Variants in TMEM132C observed in about 807,000 individuals in gnomAD.
TMEM132C encodes the protein transmembrane protein 132C, also known as protein phosphatase 1, regulatory subunit 152.
A neutral mutation model predicts 61.4 loss-of-function variants in TMEM132C; 29 were observed. That is an observed-to-expected ratio of 0.47 (90% CI 0.35 to 0.64). The LOEUF (loss-of-function observed/expected upper bound fraction) is 0.64. Ranked by LOEUF, TMEM132C falls within the 30% of genes least tolerant of loss-of-function variation. The probability of loss-of-function intolerance (pLI) is 0.00; values close to 1 mark genes in which losing one functional copy is unlikely to be tolerated. For missense variants in TMEM132C, 1,408 were observed against 1,476.9 expected (o/e 0.95, Z 0.76); for synonymous variants, 656 against 633.1 (o/e 1.04, Z -0.54).
chr12:128,619,186 G>A (rs1429080573), intron 4 of TMEM132C, among the ~76,000 whole-genome samples: 1 of 152,152 alleles, frequency 6.6e-6, no homozygotes, highest in African/African-American at 2.4e-5. Context: ...AACCAATTAA[G>A]CATATTTTCC....
chr12:128,562,546 G>T (rs753410385), intron 3 of TMEM132C, among the ~76,000 whole-genome samples: 10 of 152,176 alleles, frequency 6.6e-5, no homozygotes, highest in Non-Finnish European at 1.5e-4. Context: ...AAATGGCAAA[G>T]ACGCCTCATT....
At chr12:128,413,598 C>A (rs1868646484) in intron 1 of TMEM132C, among the ~76,000 whole-genome samples, 2 of 151,440 alleles carry the variant, frequency 1.3e-5, no homozygotes, top group Admixed American at 1.3e-4. Flanking sequence ...ATCTGTGTTT[C>A]TCTAATTGTG....
chr12:128,559,156 T>TACACACACAAACACAC (rs1874429718), intron 3 of TMEM132C, among the ~76,000 whole-genome samples: 1 of 147,726 alleles, frequency 6.8e-6, no homozygotes, highest in Non-Finnish European at 1.5e-5. Context: ...CACAAACACA[T>TACACACACAAACACAC]ACACACACAA....
intron 5 of TMEM132C, among the ~76,000 whole-genome samples, chr12:128,670,464 C>A (rs555419322): frequency 2.1e-4 from 32 of 152,312 alleles, no homozygotes; most frequent in African/African-American, 7.2e-4. Context: ...AACTGCCATT[C>A]TATCTCTGCT....
At chr12:128,289,875 T>A (rs1375010104) in intron 1 of TMEM132C, among the ~76,000 whole-genome samples, 3 of 152,224 alleles carry the variant, frequency 2.0e-5, no homozygotes, top group Non-Finnish European at 4.4e-5. Context: ...ACTGATAGCA[T>A]GTTTAAAGGT....
At chr12:128,358,807 C>T (rs1873602778) in intron 1 of TMEM132C, among the ~76,000 whole-genome samples, 2 of 152,142 alleles carry the variant, frequency 1.3e-5, no homozygotes, top group Non-Finnish European at 2.9e-5. Context: ...ATTGCGCACA[C>T]AGGCTTCCAA....
chr12:128,705,407 G>A lies in TMEM132C; in HGVS notation c.2439G>A (p.Glu813=), dbSNP rs1026777675. The change falls in exon 9 of 9, where the codon GAG becomes GAA. Residue 813 remains glutamate, a synonymous_variant. Transcript: ENST00000435159. ...DADSSPGGDY[E]EDEIKNHASD... ...ACTCCAGCCCCGGCGGGGACTATGA[G>A]GAAGATGAGATCAAGAACCACGCCA... 1.3e-6 allele frequency: 2 copies of A among 1,550,996 alleles called. No homozygotes were observed. Among genetic ancestry groups the A allele is most frequent in the African/African-American group, 2.7e-5 (2 of 73,064 alleles).
chr12:128,575,297 G>A (rs1238996685), intron 3 of TMEM132C, among the ~76,000 whole-genome samples: 1 of 152,154 alleles, frequency 6.6e-6, no homozygotes, highest in Non-Finnish European at 1.5e-5. Context: ...TGGCCACCAT[G>A]GTGAAACCCC....
Position 128,516,602 on chromosome 12 carries a change from GAA to G in TMEM132C, c.975-27346_975-27345del, listed in dbSNP as rs11353244. On this transcript the variant is annotated intron_variant, in intron 2 of 8. Coordinates refer to ENST00000435159, the MANE Select transcript of TMEM132C (RefSeq NM_001136103.3). ...ATGCAAATTTTACCTCCAAAGGAGGGAAAAAAAAAACCTTAAAAAAAAGATTG... is the reference window on the plus strand; with the variant it reads ...ATGCAAATTTTACCTCCAAAGGAGGGAAAAAAAACCTTAAAAAAAAGATTG... Among the ~76,000 whole-genome samples the G allele has an allele frequency of 6.0e-5, 9 of 150,686 alleles. No homozygotes were observed. The South Asian group carries it at 1.5e-3, about 25-fold the overall frequency.
At chr12:128,283,620 C>T (rs1208675117) in intron 1 of TMEM132C, among the ~76,000 whole-genome samples, 2 of 152,118 alleles carry the variant, frequency 1.3e-5, no homozygotes, top group Admixed American at 1.3e-4. Flanking sequence ...TGTCTATCTA[C>T]CTATGCCTCC....
intron 1 of TMEM132C, among the ~76,000 whole-genome samples, chr12:128,380,949 T>G (rs1038836818): frequency 3.3e-5 from 5 of 152,234 alleles, no homozygotes; most frequent in African/African-American, 1.2e-4. Context: ...GGAAGCTGAT[T>G]GAATGCAGGT....
At chr12:128,502,303 C>G (rs1000678976) in intron 2 of TMEM132C, among the ~76,000 whole-genome samples, 1 of 152,118 alleles carries the variant, frequency 6.6e-6, no homozygotes, top group Non-Finnish European at 1.5e-5. Flanking sequence ...GTGGTACAAG[C>G]CAGGCACAGG....
chr12:128,426,409 A>C (rs10847616), intron 2 of TMEM132C, among the ~76,000 whole-genome samples: 23,433 of 152,156 alleles, frequency 0.15, 1,922 homozygotes, highest in South Asian at 0.25. Flanking sequence ...TGGATTCCTC[A>C]GGAGCAAGCT....
chr12:128,524,699 G>A (rs900099966), intron 2 of TMEM132C, among the ~76,000 whole-genome samples: 1 of 152,108 alleles, frequency 6.6e-6, no homozygotes, highest in South Asian at 2.1e-4. Flanking sequence ...GGGATCGATG[G>A]GTTTCTCTGC....
chr12:128,463,296 G>A (rs1311719274), intron 2 of TMEM132C, among the ~76,000 whole-genome samples: 1 of 151,960 alleles, frequency 6.6e-6, no homozygotes, highest in East Asian at 1.9e-4. Context: ...AGGGATGGTG[G>A]TTTACCAAAA....
chr12:128,600,860 G>A (rs190679580), intron 3 of TMEM132C, among the ~76,000 whole-genome samples: 66 of 152,300 alleles, frequency 4.3e-4, no homozygotes, highest in Middle Eastern at 3.4e-3. Flanking sequence ...AGTAGAGAAA[G>A]CCTTCTGTTT....
At chr12:128,699,783 G>T (rs1954791356) in intron 8 of TMEM132C, among the ~76,000 whole-genome samples, 1 of 152,288 alleles carries the variant, frequency 6.6e-6, no homozygotes, top group East Asian at 1.9e-4. Context: ...AACATCTTTG[G>T]TGGGCCATTC....
intron 2 of TMEM132C, among the ~76,000 whole-genome samples, chr12:128,505,239 G>A (rs746131182): frequency 6.6e-6 from 1 of 152,150 alleles, no homozygotes; most frequent in Non-Finnish European, 1.5e-5. Flanking sequence ...ACAGATCAAG[G>A]TGCCGGTGGC....
intron 5 of TMEM132C, 33 bp downstream of exon 5, chr12:128,669,593 G>C: frequency 3.9e-6 from 6 of 1,546,220 alleles, no homozygotes; most frequent in Non-Finnish European, 5.2e-6. Context: ...GGATGGAACC[G>C]GTGGGAACTT....
Sources: gnomAD v4.1 joint callset for allele counts (sites outside exome capture counted in the v4.1 genomes callset) on GRCh38, gnomAD v4.1.1 for gene constraint, MANE v1.5 for transcripts, NCBI Gene and HGNC (gene_info 2026-07-23, HGNC 2026-07-21) for gene names.